The following PPP2R1A variants were observed in gnomAD, a reference collection of about 807,000 sequenced individuals.
PPP2R1A encodes the protein protein phosphatase 2 scaffold subunit Aalpha, also known as serine/threonine-protein phosphatase 2A 65 kDa regulatory subunit A alpha isoform.
A neutral mutation model predicts 67.1 loss-of-function variants in PPP2R1A; 15 were observed. That is an observed-to-expected ratio of 0.22 (90% CI 0.15 to 0.34). The LOEUF is 0.34. Among genes scored for constraint, PPP2R1A ranks in the 10% least tolerant of loss-of-function variants. The pLI, the probability that PPP2R1A is intolerant of heterozygous loss-of-function variation, is 1.00. For missense variants in PPP2R1A, 369 were observed against 775.0 expected (o/e 0.48, Z 6.22); for synonymous variants, 337 against 325.0 (o/e 1.04, Z -0.40).
At chr19:52,206,994 C>A (rs1600164219) in intron 3 of PPP2R1A, among the ~76,000 whole-genome samples, 1 of 152,172 alleles carries the variant, frequency 6.6e-6, no homozygotes, top group South Asian at 2.1e-4. Context: ...TGGTGCTTAT[C>A]ATTGTTGGGA....
chr19:52,195,841 C>T (rs2089492484), intron 1 of PPP2R1A, among the ~76,000 whole-genome samples: 1 of 152,124 alleles, frequency 6.6e-6, no homozygotes, highest in African/African-American at 2.4e-5. Flanking sequence ...AGTTCCCAGG[C>T]CCTGTCCTTT....
chr19:52,190,267 T>A (rs1346162909), intron 1 of PPP2R1A, 93 bp downstream of exon 1: 1 of 1,421,478 alleles, frequency 7.0e-7, no homozygotes, highest in Admixed American at 2.2e-5. Context: ...TCGCTGGGAG[T>A]GGCGGAAGGG....
At chr19:52,206,267 A>G (rs2089601290) in intron 3 of PPP2R1A, among the ~76,000 whole-genome samples, 1 of 152,114 alleles carries the variant, frequency 6.6e-6, no homozygotes, top group South Asian at 2.1e-4. Flanking sequence ...CTTTCTGTTT[A>G]GTGGTCAGGT....
Position 52,211,150 on chromosome 19 carries a change from T to C in PPP2R1A, c.271-110T>C. 2.1e-6 allele frequency: 2 copies of C among 972,242 alleles called. No homozygotes were observed. The allele number at this position is 972,242 out of a possible 1,614,324, so 60.2% of individuals were successfully genotyped here. On this transcript the variant is annotated intron_variant, in intron 3 of 14. Coordinates refer to ENST00000322088, the MANE Select transcript of PPP2R1A (RefSeq NM_014225.6). The surrounding 1 kb of genome is among the most constrained non-coding windows in gnomAD (Gnocchi z 5.3). Reference sequence around the variant, plus strand: ...TTTTAATGAAGGTCGGGATGGGTAATAGGGAAGTTTTCTCTGAGGAGATGA... The same window carrying C: ...TTTTAATGAAGGTCGGGATGGGTAACAGGGAAGTTTTCTCTGAGGAGATGA...
intron 1 of PPP2R1A, among the ~76,000 whole-genome samples, chr19:52,195,450 C>T (rs1457260254): frequency 6.6e-6 from 1 of 152,300 alleles, no homozygotes; most frequent in East Asian, 1.9e-4. Context: ...AGTTCTGCAG[C>T]ACACGCCAAC....
chr19:52,212,557 AC>A lies in PPP2R1A; in HGVS notation c.504-128del. 1 of 1,122,280 alleles carries A rather than the reference AC, an allele frequency of 8.9e-7. No homozygotes were observed. Among genetic ancestry groups the A allele is most frequent in the Non-Finnish European group, 1.3e-6 (1 of 797,420 alleles). The allele number at this position is 1,122,280 out of a possible 1,614,324, so 69.5% of individuals were successfully genotyped here. ...AGCTCCGTTTCATAGGGCTGGGAAG[AC>A]AGAGAGGGGGTCATCACTTGCCCAA... On this transcript the variant is annotated intron_variant, in intron 4 of 14. Transcript: ENST00000322088. This position sits in a 1 kb window ranked among gnomAD's most constrained non-coding sequence, Gnocchi z 4.1.
rs199586303 is a variant in PPP2R1A at position 52,211,367 on chromosome 19, G to A, written c.378G>A (p.Ala126=). The change falls in exon 4 of 15, where the codon GCG becomes GCA. Residue 126 remains alanine (A), a synonymous_variant. Transcript: ENST00000322088. This position sits in a 1 kb window ranked among gnomAD's most constrained non-coding sequence, Gnocchi z 5.3. ...SHEHSPSDLE[A]HFVPLVKRLA... is the part of the protein sequence containing the mutation. ...AGCACTCGCCCTCTGACCTGGAGGCGCACTTTGTGCCGCTAGTGAAGCGGC... is the reference window on the plus strand; with the variant it reads ...AGCACTCGCCCTCTGACCTGGAGGCACACTTTGTGCCGCTAGTGAAGCGGC... 3.2e-5 allele frequency: 51 copies of A among 1,614,164 alleles called. No individual in the cohort carries two copies. The highest frequency in any genetic ancestry group is 5.3e-5 in the African/African-American group (4 of 75,062).
At chr19:52,198,070 G>T (rs1477622242) in intron 1 of PPP2R1A, among the ~76,000 whole-genome samples, 1 of 152,178 alleles carries the variant, frequency 6.6e-6, no homozygotes, top group African/African-American at 2.4e-5. Context: ...TCTTCCCCTG[G>T]TGCTAGGGTG....
At chr19:52,200,036 G>C (rs1030552242) in intron 1 of PPP2R1A, among the ~76,000 whole-genome samples, 1 of 152,156 alleles carries the variant, frequency 6.6e-6, no homozygotes, top group Admixed American at 6.6e-5. Context: ...TCAACTCCTG[G>C]ACCGGAGAAC....
At chr19:52,223,500 C>T (rs1049430713) in intron 13 of PPP2R1A, among the ~76,000 whole-genome samples, 3 of 152,162 alleles carry the variant, frequency 2.0e-5, no homozygotes, top group African/African-American at 7.2e-5. Context: ...AGAAAGGACT[C>T]ATCCACAATA....
chr19:52,219,322 C>G lies in PPP2R1A; in HGVS notation c.1129-369C>G, dbSNP rs75496217. ...AAATAGTTTTCTTCCTTCCCTTCTC[C>G]CATGTTGTGGATTGATACCCAGAAA... is the stretch of plus-strand genomic sequence containing the variant. On this transcript the variant is annotated intron_variant, in intron 9 of 14. Transcript: ENST00000322088. This position sits in a 1 kb window ranked among gnomAD's most constrained non-coding sequence, Gnocchi z 4.0. 6.6e-6 allele frequency among the ~76,000 whole-genome samples: 1 copy of G among 152,100 alleles called. No homozygotes were observed. The highest frequency in any genetic ancestry group is 1.5e-5 in the Non-Finnish European group (1 of 68,014).
chr19:52,206,478 TTAG>T (rs1247977476), intron 3 of PPP2R1A, among the ~76,000 whole-genome samples: 1 of 152,202 alleles, frequency 6.6e-6, no homozygotes, highest in African/African-American at 2.4e-5. Flanking sequence ...TACTTGGCAC[TTAG>T]TAGGTACTAA....
Position 52,205,992 on chromosome 19 carries a change from C to T in PPP2R1A, c.199C>T (p.Leu67=), listed in dbSNP as rs1255338283. 1.2e-6 allele frequency: 2 copies of T among 1,614,148 alleles called. No individual in the cohort carries two copies. The highest frequency in any genetic ancestry group is 8.5e-7 in the Non-Finnish European group (1 of 1,179,992). The change falls in exon 3 of 15, where the codon CTG becomes TTG. Residue 67 remains leucine (L), a synonymous_variant. Transcript: ENST00000322088. ...CATCTATGATGAAGATGAGGTCCTCCTGGCCCTGGCAGAACAGCTGGGAAC... is the reference window on the plus strand; with the variant it reads ...CATCTATGATGAAGATGAGGTCCTCTTGGCCCTGGCAGAACAGCTGGGAAC... The part of the protein sequence containing the change: ...DTIYDEDEVL[L]ALAEQLGTFT...
At chr19:52,190,291 C>A in intron 1 of PPP2R1A, 117 bp downstream of exon 1, 4 of 1,184,672 alleles carry the variant, frequency 3.4e-6, no homozygotes, top group Non-Finnish European at 4.8e-6. Context: ...GACGGCCAAT[C>A]AGCGTGCGTC....
intron 13 of PPP2R1A, among the ~76,000 whole-genome samples, chr19:52,222,631 C>T (rs1009896342): frequency 1.3e-5 from 2 of 152,172 alleles, no homozygotes; most frequent in African/African-American, 2.4e-5. Context: ...GAAATTAAAG[C>T]AGACCTGACC....
intron 6 of PPP2R1A, 112 bp from the exon 7 acceptor site, chr19:52,215,667 A>G: frequency 1.2e-6 from 1 of 823,694 alleles, no homozygotes; most frequent in Non-Finnish European, 2.0e-6. Flanking sequence ...ACTGCTTCCA[A>G]GGCCCACGCT....
intron 2 of PPP2R1A, among the ~76,000 whole-genome samples, chr19:52,202,659 G>C (rs2089562627): frequency 6.6e-6 from 1 of 152,248 alleles, no homozygotes. Context: ...AGGTAACTGA[G>C]AAGGGATATT....
chr19:52,190,481 A>G (rs79131046), intron 1 of PPP2R1A, among the ~76,000 whole-genome samples: 7,254 of 152,146 alleles, frequency 0.048, 221 homozygotes, highest in African/African-American at 0.083. Flanking sequence ...TCTGGGAGAG[A>G]GGAGGACTCC....
Position 52,203,308 on chromosome 19 carries a change from G to T in PPP2R1A, c.169+1274G>T, listed in dbSNP as rs369911674. On this transcript the variant is annotated intron_variant, in intron 2 of 14. Coordinates refer to ENST00000322088, the MANE Select transcript of PPP2R1A (RefSeq NM_014225.6). The stretch of plus-strand genomic sequence containing the variant: ...CTGCTCGTATGACACTGAACAAATG[G>T]CCCCAAACCAGGTGGCTTCTATTGG... Among the ~76,000 whole-genome samples the T allele has an allele frequency of 8.5e-5, 13 of 152,250 alleles. No individual in the cohort carries two copies. The East Asian group carries it at 1.4e-3, about 16-fold the overall frequency.
Sources: gnomAD v4.1 joint callset for allele counts (sites outside exome capture counted in the v4.1 genomes callset) on GRCh38, gnomAD v4.1.1 for gene constraint, Gnocchi (gnomAD v3.1) non-coding constraint, MANE v1.5 for transcripts, NCBI Gene and HGNC (gene_info 2026-07-23, HGNC 2026-07-21) for gene names.